Variants in RAB18 observed in about 807,000 individuals in gnomAD.
RAB18 encodes the protein RAB18, member RAS oncogene family.
Under a neutral mutation model 28.5 loss-of-function variants are expected in RAB18, and 10 were observed. That is an observed-to-expected ratio of 0.35 (90% confidence interval 0.22 to 0.60). The LOEUF is 0.60. Among genes scored for constraint, RAB18 ranks in the 20% least tolerant of loss-of-function variants. The pLI is 0.78. For synonymous variants in RAB18, 93 were observed against 86.9 expected (o/e 1.07, Z -0.39); for missense variants, 188 against 244.2 (o/e 0.77, Z 1.53).
rs1564842488 is a variant in RAB18 at position 27,541,857 on chromosome 10, AT to A, written c.*3807del. The A allele has an allele frequency of 2.3e-6, 1 of 440,728 alleles. No homozygotes were observed. Among genetic ancestry groups the A allele is most frequent in the Non-Finnish European group, 4.5e-6 (1 of 222,646 alleles). The allele number at this position is 440,728 out of a possible 1,614,324, so 27.3% of individuals were successfully genotyped here. A position where few individuals can be genotyped will look rare whatever the true frequency, so the allele number is the denominator to read the frequency against. ...ACCCCCACCCCTGCAAACAATTGGC[AT>A]GTGGTTTGGGTGGCATTGTCACACC... is the stretch of plus-strand genomic sequence containing the variant. On this transcript the variant is annotated 3_prime_UTR_variant, in exon 7 of 7. Coordinates refer to ENST00000356940, the MANE Select transcript of RAB18 (RefSeq NM_021252.5).
rs1056405496 is a variant in RAB18, at chr10:27,504,566, C to T, written c.68+129C>T. ...CTCGGGCCGGCTCCGCTCGCGCCCT[C>T]CTCGGCCTCTGGGCCGCGCTCTCCC... On this transcript the variant is annotated intron_variant, in intron 1 of 6. Coordinates refer to ENST00000356940, the MANE Select transcript of RAB18 (RefSeq NM_021252.5). 86 of 1,090,744 alleles carry T rather than the reference C, an allele frequency of 7.9e-5. No homozygotes were observed. The South Asian group carries it at 1.1e-3, about 13-fold the overall frequency. The allele number at this position is 1,090,744 out of a possible 1,614,324, so 67.6% of individuals were successfully genotyped here.
intron 1 of RAB18, among the ~76,000 whole-genome samples, chr10:27,505,601 C>T (rs1368095071): frequency 6.6e-6 from 1 of 152,116 alleles, no homozygotes; most frequent in East Asian, 1.9e-4. Flanking sequence ...CGCTCTGTTG[C>T]CAGGCTGGAG....
chr10:27,506,638 T>C lies in RAB18; in HGVS notation c.68+2201T>C, dbSNP rs1281500257. ...CAACCGGCCCTACTTCTAAAATTTT[T>C]TTCATAGATGGGATTTTCCTATGTT... On this transcript the variant is annotated intron_variant, in intron 1 of 6. Transcript: ENST00000356940. Among the ~76,000 whole-genome samples the C allele has an allele frequency of 7.2e-5, 11 of 152,096 alleles. No individual in the cohort carries two copies. The South Asian group carries it at 1.0e-3, about 14-fold the overall frequency.
intron 3 of RAB18, among the ~76,000 whole-genome samples, chr10:27,527,677 T>G (rs1199643380): frequency 6.6e-6 from 1 of 151,992 alleles, no homozygotes; most frequent in Non-Finnish European, 1.5e-5. Context: ...ATATAAGAAA[T>G]CATATTAGAA....
At chr10:27,504,842 A>G (rs532517009) in intron 1 of RAB18, 35 of 465,458 alleles carry the variant, frequency 7.5e-5, no homozygotes, top group African/African-American at 5.8e-4. Flanking sequence ...CCCGGGAGAC[A>G]TAGCTTTCCC....
chr10:27,505,258 C>A (rs1837793516), intron 1 of RAB18: 21 of 449,976 alleles, frequency 4.7e-5, no homozygotes, highest in South Asian at 3.3e-4. Flanking sequence ...GAAGAGAGTT[C>A]TCCAGCTGAT....
At chr10:27,536,840 T>C (rs1415773419) in intron 6 of RAB18, among the ~76,000 whole-genome samples, 2 of 152,130 alleles carry the variant, frequency 1.3e-5, no homozygotes, top group African/African-American at 2.4e-5. Context: ...GTGGTGGGAA[T>C]GAAAGCCTAA....
chr10:27,509,678 C>A (rs1280483986), intron 1 of RAB18, among the ~76,000 whole-genome samples, 197 bp from the exon 2 acceptor site: 1 of 152,116 alleles, frequency 6.6e-6, no homozygotes. Context: ...CTACTTTGCT[C>A]TTGGGATTTT....
rs189909041 is a variant in RAB18, at chr10:27,523,721, T to G, written c.125-3107T>G. On this transcript the variant is annotated intron_variant, in intron 2 of 6. Coordinates refer to ENST00000356940, the MANE Select transcript of RAB18 (RefSeq NM_021252.5). Reference sequence around the variant, plus strand: ...TCGACCTTTCAGGCTCGATCCATCCTTGTACCTCAGCCTCCTGAGAAGCTG... The same window carrying G: ...TCGACCTTTCAGGCTCGATCCATCCGTGTACCTCAGCCTCCTGAGAAGCTG... 2.0e-3 allele frequency among the ~76,000 whole-genome samples: 296 copies of G among 151,348 alleles called. 3 individuals are homozygous for G. Among genetic ancestry groups the G allele is most frequent in the African/African-American group, 6.8e-3 (281 of 41,284 alleles).
At chr10:27,505,104 C>A (rs1346208409) in intron 1 of RAB18, 2 of 532,664 alleles carry the variant, frequency 3.8e-6, no homozygotes, top group Non-Finnish European at 7.7e-6. Flanking sequence ...TTTGCCACAT[C>A]CTGTGGAGAC....
At chr10:27,519,109 A>G (rs935848630) in intron 2 of RAB18, among the ~76,000 whole-genome samples, 1 of 152,060 alleles carries the variant, frequency 6.6e-6, no homozygotes, top group Non-Finnish European at 1.5e-5. Flanking sequence ...AACAAAACGA[A>G]GTGGGGTTTA....
At position 27,512,394 on chromosome 10, in the gene RAB18, C is replaced by T. The variant is rs138474790; in HGVS notation, c.124+2464C>T. ...CAACCTTGGCTCACTGCAGCCTCCA[C>T]CTCCCCATTCAAGTGATTCTGGTGC... is the stretch of plus-strand genomic sequence containing the variant. On this transcript the variant is annotated intron_variant, in intron 2 of 6. Transcript: ENST00000356940. 7.1e-4 allele frequency among the ~76,000 whole-genome samples: 108 copies of T among 152,194 alleles called. 2 individuals are homozygous for T. The East Asian group carries it at 0.014, about 19-fold the overall frequency.
At chr10:27,527,371 C>T (rs1018217965) in intron 3 of RAB18, among the ~76,000 whole-genome samples, 18 of 152,000 alleles carry the variant, frequency 1.2e-4, no homozygotes, top group South Asian at 4.2e-4. Flanking sequence ...GGCTTCTTTT[C>T]GTTTTCCTGT....
rs1185001509 is a variant in RAB18 at position 27,525,712 on chromosome 10, T to A, written c.125-1116T>A. ...GCTCAAAACACCAAACTTAAAAATATATATATTTGGTATACAGAAAGACCT... is the reference window on the plus strand; with the variant it reads ...GCTCAAAACACCAAACTTAAAAATAAATATATTTGGTATACAGAAAGACCT... On this transcript the variant is annotated intron_variant, in intron 2 of 6. Transcript: ENST00000356940. 2.0e-5 allele frequency among the ~76,000 whole-genome samples: 3 copies of A among 152,206 alleles called. No homozygotes were observed. In the East Asian group the frequency reaches 5.8e-4, roughly 29 times the overall value.
At chr10:27,504,779 G>C (rs931371703) in intron 1 of RAB18, 5 of 550,222 alleles carry the variant, frequency 9.1e-6, no homozygotes, top group South Asian at 6.2e-5. Flanking sequence ...GAATCCGGCC[G>C]GGGGCGCCTT....
At chr10:27,530,705 A>G (rs1244526122) in intron 3 of RAB18, among the ~76,000 whole-genome samples, 1 of 151,796 alleles carries the variant, frequency 6.6e-6, no homozygotes, top group Non-Finnish European at 1.5e-5. Context: ...TATATTACCA[A>G]TTGCTTCCTA....
chr10:27,524,014 G>A (rs1019380658), intron 2 of RAB18, among the ~76,000 whole-genome samples: 1 of 151,862 alleles, frequency 6.6e-6, no homozygotes, highest in Non-Finnish European at 1.5e-5. Context: ...GGGAAGCAGA[G>A]CTTGCAGTGA....
intron 3 of RAB18, chr10:27,531,407 A>G: frequency 7.1e-7 from 1 of 1,400,454 alleles, no homozygotes; most frequent in Non-Finnish European, 9.3e-7. Context: ...CTTACAGGTT[A>G]TTCTAACATT....
chr10:27,523,882 A>G (rs1160721783), intron 2 of RAB18, among the ~76,000 whole-genome samples: 1 of 152,006 alleles, frequency 6.6e-6, no homozygotes, highest in African/African-American at 2.4e-5. Context: ...GATTGAGACC[A>G]TACTGGCTAA....
Sources: allele counts gnomAD v4.1 joint callset (sites outside exome capture counted in the v4.1 genomes callset), GRCh38; gene constraint gnomAD v4.1.1; transcripts MANE v1.5; gene names NCBI Gene and HGNC (gene_info 2026-07-23, HGNC 2026-07-21).